The following OTOF variants were observed in gnomAD, a reference collection of about 807,000 sequenced individuals.
OTOF encodes otoferlin.
A neutral mutation model predicts 236.8 loss-of-function variants in OTOF; 218 were observed. The observed-to-expected ratio is 0.92, with a 90% CI of 0.82 to 1.03. OTOF has a LOEUF of 1.03. Among genes scored for constraint, OTOF ranks in the 50% least tolerant of loss-of-function variants. The pLI is 0.00. For synonymous variants in OTOF, 1,041 were observed against 1,072.5 expected (o/e 0.97, Z 0.57); for missense variants, 2,590 against 2,694.4 (o/e 0.96, Z 0.86).
chr2:26,465,618 A>G (rs961431705), intron 38 of OTOF, 54 bp downstream of exon 38: 24 of 1,558,736 alleles, frequency 1.5e-5, no homozygotes, highest in African/African-American at 2.7e-5. Flanking sequence ...CTCATTTTAG[A>G]GTGGAGGCAA....
chr2:26,491,117 G>A (rs13387455), intron 9 of OTOF, among the ~76,000 whole-genome samples: 3,062 of 152,308 alleles, frequency 0.02, 98 homozygotes, highest in African/African-American at 0.069. Flanking sequence ...GGGAGATGGA[G>A]CTGGAGAGAC....
At position 26,472,520 on chromosome 2, in the gene OTOF, G is replaced by A. The variant is rs200476647; in HGVS notation, c.3863C>T (p.Ala1288Val). The change falls in exon 30 of 47, where the codon GCG becomes GTG. Residue 1288 changes from alanine (A) to valine (V), a missense_variant and splice_region_variant. Around this residue, in one of 2 missense-constraint regions of OTOF, gnomAD observed 1,211 missense variants for 1,352.8 expected, o/e 0.90. Coordinates refer to ENST00000272371, the MANE Select transcript of OTOF (RefSeq NM_194248.3). ...KKLETMVKLD[A>V]TSEAVVKVDV... is the part of the protein sequence containing the mutation. Reference sequence around the variant, plus strand: ...GGGGGCTGACCCCACCCGCCTTACCGCGTCCAGCTTCACCATGGTCTCCAG... The same window carrying A: ...GGGGGCTGACCCCACCCGCCTTACCACGTCCAGCTTCACCATGGTCTCCAG... 28 of 1,613,450 alleles carry A rather than the reference G, an allele frequency of 1.7e-5. No individual in the cohort carries two copies. The highest frequency in any genetic ancestry group is 1.5e-4 in the African/African-American group (11 of 75,054).
rs886055872 is a variant in OTOF at position 26,457,468 on chromosome 2, A to T, written c.*770T>A. 1.3e-5 allele frequency: 2 copies of T among 152,896 alleles called. No individual in the cohort carries two copies. Among genetic ancestry groups the T allele is most frequent in the Non-Finnish European group, 1.5e-5 (1 of 68,630 alleles). 9.5% of individuals were successfully genotyped at this position (152,896 alleles called of 1,614,324 possible). On this transcript the variant is annotated 3_prime_UTR_variant, in exon 47 of 47. Coordinates refer to ENST00000272371, the MANE Select transcript of OTOF (RefSeq NM_194248.3). This position sits in a 1 kb window ranked among gnomAD's most constrained non-coding sequence, Gnocchi z 4.4. Reference sequence around the variant, plus strand: ...GAGCTCTGGGAAGCCATGGAAACCCACAGGCAGGACAGGCGACCCCCTGGG... The same window carrying T: ...GAGCTCTGGGAAGCCATGGAAACCCTCAGGCAGGACAGGCGACCCCCTGGG...
intron 18 of OTOF, among the ~76,000 whole-genome samples, chr2:26,478,919 G>C (rs1027058221): frequency 1.3e-5 from 2 of 152,174 alleles, no homozygotes; most frequent in Non-Finnish European, 2.9e-5. Context: ...GGATGGTCTC[G>C]AACTCCTGAC....
At chr2:26,488,960 G>A (rs988840638) in intron 11 of OTOF, among the ~76,000 whole-genome samples, 5 of 152,224 alleles carry the variant, frequency 3.3e-5, no homozygotes, top group Non-Finnish European at 7.3e-5. Context: ...CTCCTTCCAG[G>A]CTCTGTGCAG....
rs1665578306 is a variant in OTOF at position 26,482,731 on chromosome 2, G to A, written c.1393-139C>T. The A allele has an allele frequency of 1.0e-5, 7 of 686,960 alleles. 2 individuals are homozygous for A. The South Asian group carries it at 1.2e-4, about 12-fold the overall frequency. The allele number at this position is 686,960 out of a possible 1,614,324, so 42.6% of individuals were successfully genotyped here. On this transcript the variant is annotated intron_variant, in intron 13 of 46. Transcript: ENST00000272371. ...AGTGGGTGTGCATGCGTGTGTGAGT[G>A]GATGCATGTGTGCGTGTGTGAGTGG...
Position 26,516,554 on chromosome 2 carries a change from C to G in OTOF, c.373G>C (p.Val125Leu). 1 of 1,611,938 alleles carries G rather than the reference C, an allele frequency of 6.2e-7. No homozygotes were observed. Among genetic ancestry groups the G allele is most frequent in the Non-Finnish European group, 8.5e-7 (1 of 1,179,998 alleles). ...EVRYQATDGT[V>L]GSWDDGDFLG... The stretch of plus-strand genomic sequence containing the variant: ...AAGTCCCCATCGTCCCAGGAGCCCA[C>G]TGTGCCGTCAGTGGCCTGATACCGG... The change falls in exon 5 of 47, where the codon GTG becomes CTG. Residue 125 changes from valine (V) to leucine (L), a missense_variant. Physicochemically the swap from Val to Leu is conservative, Grantham distance 32 (BLOSUM62 1). Transcript: ENST00000272371.
At chr2:26,538,861 T>C (rs960510256) in intron 1 of OTOF, among the ~76,000 whole-genome samples, 8 of 149,338 alleles carry the variant, frequency 5.4e-5, no homozygotes, top group African/African-American at 2.0e-4. Context: ...GTTCCCAGGC[T>C]GGATTGCAGT....
At chr2:26,512,622 C>T (rs1333422400) in intron 5 of OTOF, among the ~76,000 whole-genome samples, 2 of 152,172 alleles carry the variant, frequency 1.3e-5, no homozygotes, top group Non-Finnish European at 2.9e-5. Flanking sequence ...TAAATGAGCT[C>T]CCTATACCTG....
chr2:26,510,587 C>T (rs1041021468), intron 5 of OTOF: 25 of 549,492 alleles, frequency 4.5e-5, no homozygotes, highest in Admixed American at 3.1e-4. Context: ...AGCTCTACCA[C>T]GACAGCCCAC....
At position 26,467,471 on chromosome 2, in the gene OTOF, T is replaced by G. The variant is rs754259065; in HGVS notation, c.4121A>C (p.Lys1374Thr). The change falls in exon 34 of 47, where the codon AAG (lysine) becomes ACG (threonine). Residue 1374 changes from lysine to threonine, a missense_variant. By Grantham distance (78) the Lys-to-Thr change is moderately conservative. Transcript: ENST00000272371. ...GLKGSMKGKE[K>T]ARAAKEEKKK... ...CTTCTCCTCTTTGGCAGCCCTTGCC[T>G]TCTCCTTGCCCTTCATTGACCCCTT... 1.2e-6 allele frequency: 2 copies of G among 1,614,024 alleles called. No homozygotes were observed. The highest frequency in any genetic ancestry group is 1.1e-5 in the South Asian group (1 of 91,078).
chr2:26,544,900 G>T (rs369795234), intron 1 of OTOF, among the ~76,000 whole-genome samples: 1 of 151,944 alleles, frequency 6.6e-6, no homozygotes, highest in Admixed American at 6.6e-5. Flanking sequence ...AATTAGCCAG[G>T]CGTGGTGGTG....
At chr2:26,515,781 C>T (rs867094582) in intron 5 of OTOF, among the ~76,000 whole-genome samples, 29 of 152,300 alleles carry the variant, frequency 1.9e-4, no homozygotes, top group South Asian at 1.0e-3. Context: ...TCCCCTTGGT[C>T]TCTAATAGTA....
chr2:26,482,690 CAT>C (rs1247011784), intron 13 of OTOF, 98 bp from the exon 14 acceptor site: 20 of 916,804 alleles, frequency 2.2e-5, no homozygotes, highest in Admixed American at 6.2e-5. Flanking sequence ...TGAGTGGGCA[CAT>C]GTGTGCATGT....
Position 26,471,213 on chromosome 2 carries a change from G to A in OTOF, c.3865-63C>T, listed in dbSNP as rs1664961095. On this transcript the variant is annotated intron_variant, in intron 30 of 46. Coordinates refer to ENST00000272371, the MANE Select transcript of OTOF (RefSeq NM_194248.3). The stretch of plus-strand genomic sequence containing the variant: ...ACTGGGGCCTGGAGTGGCAGGCAGT[G>A]GCCTAGCACAGGGTGTGTGGAGGAG... 7 of 1,579,142 alleles carry A rather than the reference G, an allele frequency of 4.4e-6. No homozygotes were observed. In the South Asian group the frequency reaches 7.7e-5, roughly 17 times the overall value.
chr2:26,497,942 T>A (rs563202580), intron 8 of OTOF, among the ~76,000 whole-genome samples: 3 of 152,352 alleles, frequency 2.0e-5, no homozygotes, highest in Middle Eastern at 3.4e-3. Flanking sequence ...CAAAGATTTT[T>A]AAAAACCCCA....
In OTOF at chr2:26,477,407, C is replaced by T. The variant is rs397517939; in HGVS notation, c.2406+9G>A. On this transcript the variant is annotated intron_variant, in intron 20 of 46. Transcript: ENST00000272371. The surrounding 1 kb of genome is among the most constrained non-coding windows in gnomAD (Gnocchi z 4.7). ...CCCTCCAGCCCCCGCCGTCCAGTTGCGTCCTCACCAGCTCCCTCATGCAGG... is the reference window on the plus strand; with the variant it reads ...CCCTCCAGCCCCCGCCGTCCAGTTGTGTCCTCACCAGCTCCCTCATGCAGG... 2.6e-5 allele frequency: 41 copies of T among 1,578,798 alleles called. No individual in the cohort carries two copies. The highest frequency in any genetic ancestry group is 3.2e-5 in the Non-Finnish European group (37 of 1,162,572).
intron 40 of OTOF, 145 bp downstream of exon 40, chr2:26,463,819 G>A: frequency 8.9e-7 from 1 of 1,125,000 alleles, no homozygotes; most frequent in South Asian, 1.3e-5. Flanking sequence ...AAGTTACCCT[G>A]AGGGGCCTTG....
At chr2:26,547,131 T>C (rs991093989) in intron 1 of OTOF, among the ~76,000 whole-genome samples, 2 of 152,226 alleles carry the variant, frequency 1.3e-5, no homozygotes, top group African/African-American at 4.8e-5. Flanking sequence ...ATGATTTTTA[T>C]CAGATTGAGG....
Sources: gnomAD v4.1 joint callset for allele counts (sites outside exome capture counted in the v4.1 genomes callset) on GRCh38, gnomAD v4.1.1 for gene constraint, gnomAD v4.1.1 regional missense constraint, Gnocchi (gnomAD v3.1) non-coding constraint, MANE v1.5 for transcripts, NCBI Gene and HGNC (gene_info 2026-07-23, HGNC 2026-07-21) for gene names.